The following KCNB2 variants were observed in gnomAD, a reference collection of about 807,000 sequenced individuals.
KCNB2 encodes potassium voltage-gated channel subfamily B member 2, also known as delayed rectifier potassium channel protein.
In KCNB2, 15 loss-of-function variants were observed where a neutral mutation model predicts 61.5. The observed-to-expected ratio is 0.24, with a 90% CI of 0.16 to 0.38. KCNB2 has a LOEUF of 0.38. Among genes scored for constraint, KCNB2 ranks in the 10% least tolerant of loss-of-function variants. KCNB2 has a pLI of 1.00. For missense variants in KCNB2, 828 were observed against 1,125.2 expected (o/e 0.74, Z 3.78); for synonymous variants, 457 against 446.0 (o/e 1.02, Z -0.31).
intron 2 of KCNB2, among the ~76,000 whole-genome samples, chr8:72,843,387 T>C (rs1299983005): frequency 1.3e-5 from 2 of 152,202 alleles, no homozygotes; most frequent in Non-Finnish European, 2.9e-5. Flanking sequence ...AAGTGTGATG[T>C]GGTGCTGAGA....
At chr8:72,581,677 C>T (rs144536473) in intron 2 of KCNB2, among the ~76,000 whole-genome samples, 17 of 152,264 alleles carry the variant, frequency 1.1e-4, no homozygotes, top group Middle Eastern at 3.4e-3. Context: ...AATGGTTGTA[C>T]GTTTTCGATA....
At chr8:72,692,185 G>A (rs573916607) in intron 2 of KCNB2, among the ~76,000 whole-genome samples, 1 of 141,072 alleles carries the variant, frequency 7.1e-6, no homozygotes, top group East Asian at 2.1e-4. Context: ...GCAGTGAGCC[G>A]AGATCATGCC....
chr8:72,866,027 A>G (rs1031793715), intron 2 of KCNB2, among the ~76,000 whole-genome samples: 2 of 152,220 alleles, frequency 1.3e-5, no homozygotes, highest in Non-Finnish European at 2.9e-5. Flanking sequence ...CACTCCATAA[A>G]TATTTGTTGA....
intron 2 of KCNB2, among the ~76,000 whole-genome samples, chr8:72,838,152 A>C (rs1355346651): frequency 6.6e-6 from 1 of 152,182 alleles, no homozygotes; most frequent in Non-Finnish European, 1.5e-5. Flanking sequence ...TATAGGTTAC[A>C]CATGCACAAT....
chr8:72,937,605 G>A lies in KCNB2; in HGVS notation c.2250G>A (p.Gln750=). 6.2e-7 allele frequency: 1 copy of A among 1,614,022 alleles called. No individual in the cohort carries two copies. The highest frequency in any genetic ancestry group is 1.1e-5 in the South Asian group (1 of 91,064). ...CTGACTTTTCGCTCACTACCCCGCA[G>A]CACATCAGTACCATCCTCTTAGAAG... is the stretch of plus-strand genomic sequence containing the variant. ...TTADFSLTTP[Q]HISTILLEET... The change falls in exon 3 of 3, where the codon CAG becomes CAA. Residue 750 remains glutamine, a synonymous_variant. Coordinates refer to ENST00000523207, the MANE Select transcript of KCNB2 (RefSeq NM_004770.3).
At chr8:72,746,247 C>T (rs1202709205) in intron 2 of KCNB2, among the ~76,000 whole-genome samples, 1 of 152,144 alleles carries the variant, frequency 6.6e-6, no homozygotes, top group East Asian at 1.9e-4. Context: ...GATGCTACTA[C>T]CTCTCTCCTC....
At chr8:72,623,624 T>G (rs1478949734) in intron 2 of KCNB2, among the ~76,000 whole-genome samples, 1 of 152,188 alleles carries the variant, frequency 6.6e-6, no homozygotes, top group Non-Finnish European at 1.5e-5. Context: ...TGAACTAGTT[T>G]AGAGGAACCA....
At chr8:72,931,753 T>C (rs1178440708) in intron 2 of KCNB2, among the ~76,000 whole-genome samples, 3 of 152,172 alleles carry the variant, frequency 2.0e-5, no homozygotes, top group Non-Finnish European at 4.4e-5. Context: ...GACTTATGCC[T>C]GTAATCCCAC....
At chr8:72,565,504 T>A (rs1806609948) in intron 1 of KCNB2, among the ~76,000 whole-genome samples, 1 of 152,168 alleles carries the variant, frequency 6.6e-6, no homozygotes, top group South Asian at 2.1e-4. Context: ...CTCTATGATT[T>A]TCTGCAAAAA....
In KCNB2 at chr8:72,568,044, C is replaced by T. The variant is rs1346102344; in HGVS notation, c.310C>T (p.Arg104Trp). 1 of 1,614,062 alleles carries T rather than the reference C, an allele frequency of 6.2e-7. No individual in the cohort carries two copies. The highest frequency in any genetic ancestry group is 8.5e-7 in the Non-Finnish European group (1 of 1,180,006). ...GAFTSILNFY[R>W]TGKLHMMEEM... Reference sequence around the variant, plus strand: ...CTTCACTTCCATTTTAAATTTCTACCGGACCGGGAAACTCCATATGATGGA... The same window carrying T: ...CTTCACTTCCATTTTAAATTTCTACTGGACCGGGAAACTCCATATGATGGA... The change falls in exon 2 of 3, where the codon CGG becomes TGG. Residue 104 changes from arginine to tryptophan, a missense_variant. Around this residue, in one of 4 missense-constraint regions of KCNB2, gnomAD observed 163 missense variants for 314.4 expected, o/e 0.52. Transcript: ENST00000523207.
chr8:72,774,460 C>T (rs1262633340), intron 2 of KCNB2, among the ~76,000 whole-genome samples: 1 of 151,706 alleles, frequency 6.6e-6, no homozygotes, highest in Non-Finnish European at 1.5e-5. Context: ...AAGCAGTTCT[C>T]CTGCCTCAGC....
chr8:72,781,185 A>C (rs952584587), intron 2 of KCNB2, among the ~76,000 whole-genome samples: 1 of 152,078 alleles, frequency 6.6e-6, no homozygotes, highest in Non-Finnish European at 1.5e-5. Flanking sequence ...CTCTGATGAT[A>C]GTTTCTTTTG....
intron 2 of KCNB2, among the ~76,000 whole-genome samples, chr8:72,819,294 T>A (rs1809453302): frequency 6.6e-6 from 1 of 151,978 alleles, no homozygotes; most frequent in Admixed American, 6.6e-5. Flanking sequence ...CCAGAGCTAA[T>A]GCCCATTTCT....
At chr8:72,737,178 A>G (rs1807861778) in intron 2 of KCNB2, among the ~76,000 whole-genome samples, 1 of 152,150 alleles carries the variant, frequency 6.6e-6, no homozygotes, top group African/African-American at 2.4e-5. Flanking sequence ...AAAGAGTCTA[A>G]TGATAGTTCT....
intron 2 of KCNB2, among the ~76,000 whole-genome samples, chr8:72,906,830 A>G (rs746817585): frequency 4.6e-5 from 7 of 152,188 alleles, no homozygotes; most frequent in Non-Finnish European, 1.0e-4. Flanking sequence ...AATTAAGACC[A>G]TGGGTGTCTA....
intron 2 of KCNB2, among the ~76,000 whole-genome samples, chr8:72,855,636 G>A (rs1237199699): frequency 6.6e-6 from 1 of 152,084 alleles, no homozygotes; most frequent in Non-Finnish European, 1.5e-5. Flanking sequence ...GCAAATACAT[G>A]ATTTTTTTTC....
At chr8:72,747,556 A>C (rs979731361) in intron 2 of KCNB2, among the ~76,000 whole-genome samples, 2 of 152,206 alleles carry the variant, frequency 1.3e-5, no homozygotes, top group Non-Finnish European at 2.9e-5. Context: ...TCCAGACCCC[A>C]AGAGAGGGTT....
chr8:72,564,516 T>C (rs1387032503), intron 1 of KCNB2, among the ~76,000 whole-genome samples: 3 of 152,232 alleles, frequency 2.0e-5, no homozygotes, highest in Non-Finnish European at 4.4e-5. Context: ...GAGATGACAG[T>C]GTACCTACAA....
intron 2 of KCNB2, among the ~76,000 whole-genome samples, chr8:72,722,159 A>G (rs191313284): frequency 9.0e-4 from 137 of 152,160 alleles, no homozygotes; most frequent in African/African-American, 3.2e-3. Context: ...TACCACCATC[A>G]TCTGTGCAGG....
Sources: gnomAD v4.1 joint callset for allele counts (sites outside exome capture counted in the v4.1 genomes callset) on GRCh38, gnomAD v4.1.1 for gene constraint, gnomAD v4.1.1 regional missense constraint, MANE v1.5 for transcripts, NCBI Gene and HGNC (gene_info 2026-07-23, HGNC 2026-07-21) for gene names.